The following TAFA5 variants were observed in gnomAD, a reference collection of about 807,000 sequenced individuals.
TAFA5 encodes chemokine-like protein TAFA-5.
In TAFA5, 6 loss-of-function variants were observed where a neutral mutation model predicts 15.3. The ratio of observed to expected loss-of-function variants is 0.39; its 90% confidence interval spans 0.21 to 0.77. The LOEUF is 0.77. TAFA5 is among the 30% of genes least tolerant of loss of function. TAFA5 has a pLI of 0.41. For synonymous variants in TAFA5, 103 were observed against 80.7 expected, an observed-to-expected ratio of 1.28 and a Z score of -1.48; for missense variants, 161 against 193.1, an observed-to-expected ratio of 0.83 and a Z score of 0.98.
chr22:48,495,707 T>C (rs713923), intron 1 of TAFA5, among the ~76,000 whole-genome samples: 44,555 of 152,112 alleles, frequency 0.29, 6,985 homozygotes, highest in East Asian at 0.49. Flanking sequence ...CCCTCCTGAA[T>C]GTAGCAGCGT....
At chr22:48,745,750 G>A (rs1052590650) in intron 3 of TAFA5, among the ~76,000 whole-genome samples, 6 of 152,168 alleles carry the variant, frequency 3.9e-5, no homozygotes, top group South Asian at 2.1e-4. Flanking sequence ...GAGGGGGCCC[G>A]GGAGGTGTCA....
chr22:48,493,716 C>A (rs971808413), intron 1 of TAFA5, among the ~76,000 whole-genome samples: 1 of 152,054 alleles, frequency 6.6e-6, no homozygotes, highest in African/African-American at 2.4e-5. Context: ...TCTGGGATTT[C>A]TTTTAGCCGA....
chr22:48,712,597 G>A (rs1174126938), intron 3 of TAFA5, among the ~76,000 whole-genome samples: 1 of 152,236 alleles, frequency 6.6e-6, no homozygotes, highest in Non-Finnish European at 1.5e-5. Flanking sequence ...TGTGGGGACT[G>A]GAGAGAAACT....
At chr22:48,665,177 G>T (rs1927569391) in intron 2 of TAFA5, among the ~76,000 whole-genome samples, 1 of 152,166 alleles carries the variant, frequency 6.6e-6, no homozygotes, top group Admixed American at 6.5e-5. Flanking sequence ...TCCTGGGCAT[G>T]ACTCTACAGC....
intron 1 of TAFA5, among the ~76,000 whole-genome samples, chr22:48,585,956 C>A (rs1924343068): frequency 2.6e-5 from 4 of 152,240 alleles, no homozygotes; most frequent in Admixed American, 2.0e-4. Context: ...ACCCCAAACA[C>A]CACACAGTCT....
At chr22:48,663,595 A>G (rs1927518267) in intron 2 of TAFA5, among the ~76,000 whole-genome samples, 2 of 152,234 alleles carry the variant, frequency 1.3e-5, no homozygotes, top group Non-Finnish European at 2.9e-5. Context: ...TCAGTTACCC[A>G]TGGTCAAAGG....
chr22:48,685,292 G>A (rs1928319000), intron 2 of TAFA5, among the ~76,000 whole-genome samples: 1 of 152,234 alleles, frequency 6.6e-6, no homozygotes, highest in African/African-American at 2.4e-5. Flanking sequence ...AGGCTTCAGA[G>A]AGAATGAATG....
intron 2 of TAFA5, among the ~76,000 whole-genome samples, chr22:48,654,311 G>T (rs541569555): frequency 6.6e-6 from 1 of 152,346 alleles, no homozygotes; most frequent in South Asian, 2.1e-4. Context: ...TGGGGCGCTG[G>T]TGTCCTGGCC....
At chr22:48,697,488 G>T (rs112484277) in intron 2 of TAFA5, among the ~76,000 whole-genome samples, 7,100 of 152,094 alleles carry the variant, frequency 0.047, 453 homozygotes, top group African/African-American at 0.15. Context: ...TGTTGGTGAT[G>T]GTGATAATGA....
chr22:48,747,152 C>T (rs1387182424), intron 3 of TAFA5, among the ~76,000 whole-genome samples: 1 of 152,204 alleles, frequency 6.6e-6, no homozygotes, highest in Non-Finnish European at 1.5e-5. Flanking sequence ...GCTGCTCAGC[C>T]TAAGAACTAA....
chr22:48,700,840 T>C (rs1284895201), intron 2 of TAFA5, among the ~76,000 whole-genome samples: 1 of 152,204 alleles, frequency 6.6e-6, no homozygotes, highest in East Asian at 1.9e-4. Context: ...TGTCTGATCC[T>C]GTATGGCAAA....
intron 2 of TAFA5, among the ~76,000 whole-genome samples, chr22:48,686,487 A>G (rs1928358003): frequency 6.6e-6 from 1 of 152,130 alleles, no homozygotes; most frequent in Admixed American, 6.5e-5. Flanking sequence ...TGGCCTAATC[A>G]CTGCCCAAAG....
chr22:48,557,638 TC>T (rs1035546207), intron 1 of TAFA5, among the ~76,000 whole-genome samples: 56 of 152,134 alleles, frequency 3.7e-4, no homozygotes, highest in Non-Finnish European at 7.5e-4. Context: ...TAGCTAAGGC[TC>T]CCTGAAGATG....
chr22:48,719,775 G>A (rs372418671), intron 3 of TAFA5, among the ~76,000 whole-genome samples: 38 of 152,298 alleles, frequency 2.5e-4, no homozygotes, highest in African/African-American at 9.1e-4. Context: ...TTGAATCACC[G>A]CTATTCATCA....
intron 1 of TAFA5, among the ~76,000 whole-genome samples, chr22:48,547,951 C>T (rs916819142): frequency 2.6e-5 from 4 of 152,230 alleles, no homozygotes; most frequent in African/African-American, 7.2e-5. Context: ...TCACTGAGAA[C>T]CTACCCTCGA....
chr22:48,590,181 G>T (rs1924512209), intron 1 of TAFA5, among the ~76,000 whole-genome samples: 1 of 152,192 alleles, frequency 6.6e-6, no homozygotes, highest in Non-Finnish European at 1.5e-5. Flanking sequence ...GAATGCCACG[G>T]AGGCGAGGGC....
chr22:48,570,531 A>C (rs9615921), intron 1 of TAFA5, among the ~76,000 whole-genome samples: 1 of 151,972 alleles, frequency 6.6e-6, no homozygotes, highest in Non-Finnish European at 1.5e-5. Flanking sequence ...TCACGAATAC[A>C]TTTTTAGTTT....
chr22:48,723,033 G>A (rs1176225451), intron 3 of TAFA5, among the ~76,000 whole-genome samples: 6 of 152,108 alleles, frequency 3.9e-5, no homozygotes, highest in Admixed American at 2.0e-4. Context: ...CCCCAAGGCC[G>A]CCCTCTACCT....
chr22:48,701,153 A>C (rs1039549730), intron 2 of TAFA5, among the ~76,000 whole-genome samples: 9 of 152,172 alleles, frequency 5.9e-5, no homozygotes, highest in Admixed American at 1.3e-4. Context: ...TGGGTGTCTC[A>C]GGACCGGCTC....
Sources: gnomAD v4.1 joint callset for allele counts (sites outside exome capture counted in the v4.1 genomes callset) on GRCh38, gnomAD v4.1.1 for gene constraint, MANE v1.5 for transcripts, NCBI Gene and HGNC (gene_info 2026-07-23, HGNC 2026-07-21) for gene names.